RPS6KA5: variants seen among roughly 807,000 people sequenced by gnomAD.
The protein encoded by RPS6KA5 is ribosomal protein S6 kinase alpha-5.
RPS6KA5 carries 27 observed loss-of-function variants against 85.5 expected under a neutral mutation model. The observed-to-expected ratio is 0.32, with a 90% CI of 0.23 to 0.44. The LOEUF is 0.44. RPS6KA5 is among the 20% of genes least tolerant of loss of function. The pLI, the probability that RPS6KA5 is intolerant of heterozygous loss-of-function variation, is 1.00. For missense variants in RPS6KA5, 811 were observed against 980.9 expected (o/e 0.83, Z 2.31); for synonymous variants, 334 against 348.2 (o/e 0.96, Z 0.46).
rs577414513 is a variant in RPS6KA5, at chr14:91,038,183, T to C, written c.103+22149A>G. Among the ~76,000 whole-genome samples the C allele has an allele frequency of 8.5e-5, 13 of 152,284 alleles. No individual in the cohort carries two copies. In the South Asian group the frequency reaches 2.7e-3, roughly 32 times the overall value. Reference sequence around the variant, plus strand: ...TAAGGAGTTCAAGATTCTCAGGTCATCCACTTAGAAGTCTCCTTCTGAGAT... The same window carrying C: ...TAAGGAGTTCAAGATTCTCAGGTCACCCACTTAGAAGTCTCCTTCTGAGAT... On this transcript the variant is annotated intron_variant, in intron 1 of 16. Transcript: ENST00000614987.
intron 1 of RPS6KA5, among the ~76,000 whole-genome samples, chr14:91,051,060 T>G (rs2043058789): frequency 6.6e-6 from 1 of 151,820 alleles, no homozygotes; most frequent in Non-Finnish European, 1.5e-5. Flanking sequence ...AAACCCCACC[T>G]CTACCAAAAA....
intron 7 of RPS6KA5, among the ~76,000 whole-genome samples, chr14:90,907,431 A>G (rs1331932665): frequency 6.6e-6 from 1 of 152,206 alleles, no homozygotes; most frequent in Non-Finnish European, 1.5e-5. Flanking sequence ...AGGTATTATG[A>G]TGCTTAAATA....
chr14:90,964,269 CT>C (rs1292280629), intron 3 of RPS6KA5, among the ~76,000 whole-genome samples: 1 of 152,024 alleles, frequency 6.6e-6, no homozygotes, highest in African/African-American at 2.4e-5. Flanking sequence ...CCTTGGGCGC[CT>C]TTTTTTATTC....
intron 12 of RPS6KA5, among the ~76,000 whole-genome samples, chr14:90,898,960 G>A (rs2035002826): frequency 6.6e-6 from 1 of 152,162 alleles, no homozygotes; most frequent in East Asian, 1.9e-4. Context: ...GAAGTTGGAG[G>A]CTCAAAATTC....
In RPS6KA5 at chr14:90,871,044, T is replaced by A. The variant is rs1484602562; in HGVS notation, c.*1030A>T. 2.0e-5 allele frequency: 3 copies of A among 152,544 alleles called. No homozygotes were observed. In the East Asian group the frequency reaches 5.8e-4, roughly 29 times the overall value. The allele number at this position is 152,544 out of a possible 1,614,324, so 9.4% of individuals were successfully genotyped here. A position where few individuals can be genotyped will look rare whatever the true frequency, so the allele number is the denominator to read the frequency against. ...TCTAAAATATTATGTACATAATATATGACTACAGGAGGAAATTCCTCACTG... is the reference window on the plus strand; with the variant it reads ...TCTAAAATATTATGTACATAATATAAGACTACAGGAGGAAATTCCTCACTG... On this transcript the variant is annotated 3_prime_UTR_variant, in exon 17 of 17. Coordinates refer to ENST00000614987, the MANE Select transcript of RPS6KA5 (RefSeq NM_004755.4).
chr14:90,978,733 A>G (rs1286081), intron 2 of RPS6KA5, among the ~76,000 whole-genome samples: 107,288 of 151,550 alleles, frequency 0.71, 38,052 homozygotes, highest in East Asian at 0.88. Context: ...TACATATCTA[A>G]CCACTGATGA....
chr14:90,929,708 C>T (rs565646288), intron 5 of RPS6KA5, among the ~76,000 whole-genome samples: 63 of 152,082 alleles, frequency 4.1e-4, no homozygotes, highest in African/African-American at 1.3e-3. Flanking sequence ...TTTATATATT[C>T]GATTCCACAA....
intron 2 of RPS6KA5, among the ~76,000 whole-genome samples, chr14:90,991,507 GC>G (rs2040304283): frequency 6.6e-6 from 1 of 152,042 alleles, no homozygotes; most frequent in Non-Finnish European, 1.5e-5. Context: ...TTTGAGACCA[GC>G]CTGGCTAACA....
chr14:90,997,940 G>C (rs2140563124), intron 2 of RPS6KA5, among the ~76,000 whole-genome samples: 2 of 148,630 alleles, frequency 1.3e-5, no homozygotes, highest in South Asian at 4.3e-4. Context: ...TTGAACCAGG[G>C]AGGTGGAGGT....
intron 3 of RPS6KA5, among the ~76,000 whole-genome samples, chr14:90,955,578 T>C (rs918373261): frequency 6.6e-6 from 1 of 152,202 alleles, no homozygotes; most frequent in Admixed American, 6.5e-5. Flanking sequence ...TTGTTATTGA[T>C]TTCTTTTCTC....
chr14:90,957,831 T>C (rs1266829760), intron 3 of RPS6KA5, among the ~76,000 whole-genome samples: 1 of 151,826 alleles, frequency 6.6e-6, no homozygotes, highest in East Asian at 1.9e-4. Context: ...TTTTTTTTTT[T>C]CCTTTTTCCA....
chr14:91,026,398 T>C (rs1383409146), intron 1 of RPS6KA5, among the ~76,000 whole-genome samples: 2 of 150,300 alleles, frequency 1.3e-5, no homozygotes. Context: ...ACCTAGCTAA[T>C]TTTTTTTTTC....
At chr14:90,995,765 T>C in intron 2 of RPS6KA5, among the ~76,000 whole-genome samples, 1 of 152,102 alleles carries the variant, frequency 6.6e-6, no homozygotes, top group Non-Finnish European at 1.5e-5. Flanking sequence ...GAAAATTCCT[T>C]ATCTAGCACT....
chr14:91,000,214 T>A (rs1228644794), intron 2 of RPS6KA5, among the ~76,000 whole-genome samples: 1 of 152,220 alleles, frequency 6.6e-6, no homozygotes, highest in African/African-American at 2.4e-5. Flanking sequence ...TTGTACATTC[T>A]CTTCTGTAGC....
chr14:91,036,180 C>T (rs962534563), intron 1 of RPS6KA5, among the ~76,000 whole-genome samples: 1 of 152,118 alleles, frequency 6.6e-6, no homozygotes, highest in African/African-American at 2.4e-5. Context: ...CATGGCCCAA[C>T]TTGTATACTG....
intron 3 of RPS6KA5, among the ~76,000 whole-genome samples, chr14:90,975,983 C>T (rs919410820): frequency 6.6e-6 from 1 of 151,972 alleles, no homozygotes; most frequent in Non-Finnish European, 1.5e-5. Flanking sequence ...AATGGGTTTT[C>T]TTGTTTTGTT....
At chr14:90,961,148 T>C (rs2038775642) in intron 3 of RPS6KA5, among the ~76,000 whole-genome samples, 1 of 152,194 alleles carries the variant, frequency 6.6e-6, no homozygotes, top group African/African-American at 2.4e-5. Context: ...CAACTATAGA[T>C]TTTAGGCACT....
At position 90,848,391 on chromosome 14, in the gene RPS6KA5, G is replaced by T. The variant is rs1432473218; in HGVS notation, c.*23683C>A. 2.0e-5 allele frequency: 3 copies of T among 152,150 alleles called. No individual in the cohort carries two copies. The highest frequency in any genetic ancestry group is 4.4e-5 in the Non-Finnish European group (3 of 68,036). The allele number at this position is 152,150 out of a possible 1,614,324, so 9.4% of individuals were successfully genotyped here. A position where few individuals can be genotyped will look rare whatever the true frequency, so the allele number is the denominator to read the frequency against. On this transcript the variant is annotated 3_prime_UTR_variant, in exon 17 of 17. Coordinates refer to ENST00000614987, the MANE Select transcript of RPS6KA5 (RefSeq NM_004755.4). ...GTTCATTATGAATTAATACTTGGAA[G>T]ATTCTAGCCCAGCTAGAATAGATTT... is the stretch of plus-strand genomic sequence containing the variant.
intron 6 of RPS6KA5, among the ~76,000 whole-genome samples, chr14:90,920,646 G>A (rs1256729500): frequency 6.6e-6 from 1 of 151,220 alleles, no homozygotes. Flanking sequence ...CAGCTCCAGT[G>A]AGCCTTATGA....
Sources: allele counts gnomAD v4.1 joint callset (sites outside exome capture counted in the v4.1 genomes callset), GRCh38; gene constraint gnomAD v4.1.1; transcripts MANE v1.5; gene names NCBI Gene and HGNC (gene_info 2026-07-23, HGNC 2026-07-21).